BBOF1: variants seen among roughly 807,000 people sequenced by gnomAD.
BBOF1 encodes the protein basal body-orientation factor 1.
Under a neutral mutation model 68.0 loss-of-function variants are expected in BBOF1, and 62 were observed. That is an observed-to-expected ratio of 0.91 (90% CI 0.74 to 1.13). The LOEUF (loss-of-function observed/expected upper bound fraction) is 1.13, where lower values mean the gene tolerates loss of function less well. BBOF1 is among the 50% of genes most tolerant of loss of function. BBOF1 has a pLI of 0.00. For missense variants in BBOF1, 534 were observed against 600.1 expected, an observed-to-expected ratio of 0.89 and a Z score of 1.15; for synonymous variants, 208 against 198.8, an observed-to-expected ratio of 1.05 and a Z score of -0.39.
intron 5 of BBOF1, among the ~76,000 whole-genome samples, chr14:74,045,664 C>T (rs1470409916): frequency 6.6e-6 from 1 of 152,092 alleles, no homozygotes; most frequent in Non-Finnish European, 1.5e-5. Flanking sequence ...ATTTTCTACA[C>T]CAAGTAAAAA....
intron 3 of BBOF1, among the ~76,000 whole-genome samples, chr14:74,030,669 G>A (rs530417848): frequency 2.4e-4 from 36 of 151,848 alleles, no homozygotes; most frequent in Non-Finnish European, 4.3e-4. Flanking sequence ...CTAATTTTTT[G>A]TATTTTTAGT....
intron 11 of BBOF1, chr14:74,057,576 T>C: frequency 7.5e-7 from 1 of 1,330,508 alleles, no homozygotes; most frequent in Admixed American, 2.6e-5. Flanking sequence ...ACTCTTAGCT[T>C]TCCATCACAG....
At chr14:74,059,330 C>T (rs774428035) in intron 11 of BBOF1, 14 of 455,090 alleles carry the variant, frequency 3.1e-5, no homozygotes, top group Non-Finnish European at 6.2e-5. Flanking sequence ...AGGTGTCTTA[C>T]CCATTTTCAT....
At chr14:74,050,281 A>G in intron 8 of BBOF1, 86 bp downstream of exon 8, 15 of 1,431,790 alleles carry the variant, frequency 1.0e-5, no homozygotes, top group Non-Finnish European at 1.4e-5. Flanking sequence ...TTAGTTTTAT[A>G]ATATTCAAGT....
At chr14:74,075,097 AT>A in intron 9 of BBOF1, 3 of 1,315,300 alleles carry the variant, frequency 2.3e-6, no homozygotes, top group Non-Finnish European at 3.3e-6. Flanking sequence ...ACTATATGCT[AT>A]TTGCTATAGT....
chr14:74,019,612 C>G (rs2059205258), intron 1 of BBOF1, 78 bp downstream of exon 1: 1 of 1,537,690 alleles, frequency 6.5e-7, no homozygotes, highest in Non-Finnish European at 8.8e-7. Context: ...AACCTGGCGC[C>G]CCCCGCGCCG....
chr14:74,063,806 C>T (rs1415274016), intron 11 of BBOF1, among the ~76,000 whole-genome samples: 1 of 149,400 alleles, frequency 6.7e-6, no homozygotes, highest in East Asian at 2.0e-4. Context: ...GCGGAGGTTG[C>T]AGTGAGCCAA....
rs143846670 is a variant in BBOF1 at position 74,041,480 on chromosome 14, ATAAT to A, written c.576+839_576+842del. Among the ~76,000 whole-genome samples the A allele has an allele frequency of 2.8e-3, 425 of 152,244 alleles. 5 individuals carry two copies. The East Asian group carries it at 0.05, about 18-fold the overall frequency. ...TTCTTTAACTTTTTATTCTTAGGGAATAATTAAATAGATTCTTTCAGAAATTGGT... is the reference window on the plus strand; with the variant it reads ...TTCTTTAACTTTTTATTCTTAGGGAATAAATAGATTCTTTCAGAAATTGGT... On this transcript the variant is annotated intron_variant, in intron 5 of 11. Coordinates refer to ENST00000394009, the MANE Select transcript of BBOF1 (RefSeq NM_025057.3).
At chr14:74,033,147 T>C (rs1020554263) in intron 3 of BBOF1, among the ~76,000 whole-genome samples, 2 of 152,238 alleles carry the variant, frequency 1.3e-5, no homozygotes, top group African/African-American at 2.4e-5. Context: ...AAAGGTGTGT[T>C]AGGTCTTCTC....
At position 74,074,819 on chromosome 14, in the gene BBOF1, G is replaced by A. The variant is rs1011282751; in HGVS notation, n.1380-3377G>A. 21 of 870,294 alleles carry A rather than the reference G, an allele frequency of 2.4e-5. No individual in the cohort carries two copies. The Admixed American group carries it at 4.4e-4, about 18-fold the overall frequency. The allele number at this position is 870,294 out of a possible 1,614,324, so 53.9% of individuals were successfully genotyped here. A position where few individuals can be genotyped will look rare whatever the true frequency, so the allele number is the denominator to read the frequency against. On this transcript the variant is annotated intron_variant and non_coding_transcript_variant, in intron 9 of 12. Transcript: ENST00000492026. ...TTGACATGGTAATCCATTTCAGGAGGGAAATAATCCAAAAGGAGGAAAAAA... is the reference window on the plus strand; with the variant it reads ...TTGACATGGTAATCCATTTCAGGAGAGAAATAATCCAAAAGGAGGAAAAAA...
At chr14:74,072,139 CTGTG>C in intron 9 of BBOF1, 1 of 1,612,124 alleles carries the variant, frequency 6.2e-7, no homozygotes, top group Non-Finnish European at 8.5e-7. Flanking sequence ...GAAAAGGTCT[CTGTG>C]AGAGTGACAA....
chr14:74,023,524 G>C (rs1399970287), intron 2 of BBOF1, among the ~76,000 whole-genome samples: 1 of 152,156 alleles, frequency 6.6e-6, no homozygotes, highest in Admixed American at 6.6e-5. Flanking sequence ...TCTGAACCCA[G>C]CAAGTTGAAT....
chr14:74,049,666 GAAA>G, intron 7 of BBOF1, 33 bp from the exon 8 acceptor site: 5 of 1,414,120 alleles, frequency 3.5e-6, no homozygotes, highest in Non-Finnish European at 4.7e-6. Context: ...CATCTCAAAA[GAAA>G]AAAAAAATCA....
chr14:74,048,341 C>G (rs2059995374), intron 7 of BBOF1: 1 of 257,392 alleles, frequency 3.9e-6, no homozygotes, highest in Non-Finnish European at 7.3e-6. Flanking sequence ...TTTTTCTTTG[C>G]TTAGAGTTGG....
chr14:74,060,646 C>A, intron 11 of BBOF1: 4 of 1,606,508 alleles, frequency 2.5e-6, no homozygotes, highest in Non-Finnish European at 2.6e-6. Context: ...TTGTTTCTAA[C>A]GGCCCATGGT....
intron 1 of BBOF1, among the ~76,000 whole-genome samples, chr14:74,019,881 T>C (rs2059221550): frequency 6.6e-6 from 1 of 152,246 alleles, no homozygotes; most frequent in Non-Finnish European, 1.5e-5. Context: ...CACTAACCCC[T>C]TACAGGCCTG....
intron 7 of BBOF1, among the ~76,000 whole-genome samples, chr14:74,049,122 C>T (rs537451300): frequency 2.6e-5 from 4 of 152,232 alleles, no homozygotes; most frequent in African/African-American, 9.6e-5. Flanking sequence ...GATCCACCCA[C>T]CTTGGCCTCC....
chr14:74,050,299 AGATTTCTCAGTAGG>A, intron 8 of BBOF1, 104 bp downstream of exon 8: 4 of 1,308,062 alleles, frequency 3.1e-6, no homozygotes, highest in Non-Finnish European at 4.1e-6. Context: ...AGTATTGAAT[AGATTTCTCAGTAGG>A]TTACTTGAGG....
In BBOF1 at chr14:74,022,963, A is replaced by G. The variant is rs776684714; in HGVS notation, c.104A>G (p.Asn35Ser). Residue 35 changes from asparagine to serine, a missense_variant, in exon 2 of 12, where the codon AAT becomes AGT. By Grantham distance (46) the Asn-to-Ser change is conservative. Coordinates refer to ENST00000394009, the MANE Select transcript of BBOF1 (RefSeq NM_025057.3). ...DESVVDRAKA[N>S]ASLWEARLEV... ...TCTGTGGTGGACAGAGCCAAGGCCA[A>G]TGCCTCCCTTTGGGAGGCCAGGTTG... The G allele has an allele frequency of 3.1e-6, 5 of 1,613,444 alleles. No individual in the cohort carries two copies. The highest frequency in any genetic ancestry group is 1.3e-5 in the African/African-American group (1 of 75,062).
Sources: allele counts gnomAD v4.1 joint callset (sites outside exome capture counted in the v4.1 genomes callset), GRCh38; gene constraint gnomAD v4.1.1; transcripts MANE v1.5; gene names NCBI Gene and HGNC (gene_info 2026-07-23, HGNC 2026-07-21).